GNG4: variants seen among roughly 807,000 people sequenced by gnomAD.
GNG4 encodes the protein guanine nucleotide-binding protein G(I)/G(S)/G(O) subunit gamma-4.
A neutral mutation model predicts 5.8 loss-of-function variants in GNG4; 4 were observed. That is an observed-to-expected ratio of 0.69 (90% CI 0.34 to 1.57). The LOEUF is 1.57. Ranked by LOEUF, GNG4 falls within the 40% of genes most tolerant of loss-of-function variation. The pLI is 0.06. For missense variants in GNG4, 96 were observed against 95.1 expected, an observed-to-expected ratio of 1.01 and a Z score of -0.04; for synonymous variants, 29 against 32.9, an observed-to-expected ratio of 0.88 and a Z score of 0.41.
intron 1 of GNG4, among the ~76,000 whole-genome samples, chr1:235,625,099 G>A (rs1688783023): frequency 6.6e-6 from 1 of 152,092 alleles, no homozygotes; most frequent in Non-Finnish European, 1.5e-5. Flanking sequence ...GGGCTCTGGG[G>A]CTCTGGGGGA....
chr1:235,647,080 A>G (rs1477951164), intron 1 of GNG4, among the ~76,000 whole-genome samples: 1 of 152,122 alleles, frequency 6.6e-6, no homozygotes, highest in African/African-American at 2.4e-5. Flanking sequence ...CTGACTTTCA[A>G]TTAAAATATC....
chr1:235,572,063 T>A (rs1358091261), intron 3 of GNG4, among the ~76,000 whole-genome samples: 2 of 152,152 alleles, frequency 1.3e-5, no homozygotes, highest in African/African-American at 4.8e-5. Context: ...TTCAAACTCC[T>A]GAGCTCAAGT....
chr1:235,587,269 AGTGTGTGTGAAGGTGTGGGTTGGG>A (rs1687788899), intron 2 of GNG4, among the ~76,000 whole-genome samples: 1 of 69,840 alleles, frequency 1.4e-5, no homozygotes, highest in African/African-American at 7.0e-5. Flanking sequence ...AGTGTATGTG[AGTGTGTGTGAAGGTGTGGGTTGGG>A]GTGTGTGTGA....
chr1:235,650,119 G>A (rs1657636498), upstream of GNG4: 1 of 148,926 alleles, frequency 6.7e-6, no homozygotes, highest in East Asian at 2.0e-4. Context: ...GCCCCAGCCC[G>A]GGCCCGCGCC....
chr1:235,552,059 A>G lies in GNG4; in HGVS notation c.*50T>C. On this transcript the variant is annotated 3_prime_UTR_variant, in exon 4 of 4. Coordinates refer to ENST00000391854, the MANE Select transcript of GNG4 (RefSeq NM_001098722.2). ...AAGGCTTAGAGCATGCATGGTCTCTACAGGGGACTTTGAAGGTCAGAAAAG... is the reference window on the plus strand; with the variant it reads ...AAGGCTTAGAGCATGCATGGTCTCTGCAGGGGACTTTGAAGGTCAGAAAAG... 6.3e-7 allele frequency: 1 copy of G among 1,584,250 alleles called. No individual in the cohort carries two copies. The highest frequency in any genetic ancestry group is 1.3e-5 in the African/African-American group (1 of 74,452).
intron 3 of GNG4, among the ~76,000 whole-genome samples, chr1:235,582,257 T>C (rs1386809914): frequency 6.6e-6 from 1 of 152,242 alleles, no homozygotes; most frequent in Admixed American, 6.5e-5. Flanking sequence ...CACACACCTG[T>C]CACCTCATGG....
intron 2 of GNG4, among the ~76,000 whole-genome samples, chr1:235,591,210 ACTGCTCCTG>A (rs1687953118): frequency 6.6e-6 from 1 of 152,296 alleles, no homozygotes; most frequent in African/African-American, 2.4e-5. Flanking sequence ...CTGCTCCGCC[ACTGCTCCTG>A]GCTCATTACC....
At chr1:235,560,350 C>T (rs1193366159) in intron 3 of GNG4, among the ~76,000 whole-genome samples, 1 of 152,176 alleles carries the variant, frequency 6.6e-6, no homozygotes, top group Non-Finnish European at 1.5e-5. Context: ...TGGGAATGGG[C>T]TCCTTATAAA....
At chr1:235,552,351 C>G in intron 3 of GNG4, 114 bp from the exon 4 acceptor site, 1 of 921,936 alleles carries the variant, frequency 1.1e-6, no homozygotes, top group Non-Finnish European at 1.7e-6. Flanking sequence ...GTATTGTGTG[C>G]ACGGCCTACA....
chr1:235,631,725 G>C (rs187533010), intron 1 of GNG4, among the ~76,000 whole-genome samples: 112 of 151,436 alleles, frequency 7.4e-4, no homozygotes, highest in African/African-American at 2.5e-3. Flanking sequence ...ATGCCACCAC[G>C]CCCAGCCAAT....
chr1:235,555,485 T>A (rs2102911032), intron 3 of GNG4, among the ~76,000 whole-genome samples: 1 of 152,164 alleles, frequency 6.6e-6, no homozygotes, highest in Non-Finnish European at 1.5e-5. Context: ...TACGTACGAC[T>A]CTAGCCTGGG....
At chr1:235,628,084 G>A (rs951249036) in intron 1 of GNG4, among the ~76,000 whole-genome samples, 2 of 152,192 alleles carry the variant, frequency 1.3e-5, no homozygotes, top group Non-Finnish European at 2.9e-5. Context: ...GGAGGCTGAG[G>A]CAGGAGAATG....
At chr1:235,553,538 G>C (rs1269952716) in intron 3 of GNG4, among the ~76,000 whole-genome samples, 1 of 152,056 alleles carries the variant, frequency 6.6e-6, no homozygotes, top group Non-Finnish European at 1.5e-5. Context: ...TTCCCTTCTG[G>C]GTTTTAAAAA....
At chr1:235,558,989 T>C (rs1572610597) in intron 3 of GNG4, among the ~76,000 whole-genome samples, 1 of 152,238 alleles carries the variant, frequency 6.6e-6, no homozygotes, top group Non-Finnish European at 1.5e-5. Context: ...CAAGCTTCAA[T>C]GATGGGAGAA....
At chr1:235,612,868 C>G (rs1004680584) in intron 1 of GNG4, among the ~76,000 whole-genome samples, 1 of 152,114 alleles carries the variant, frequency 6.6e-6, no homozygotes, top group African/African-American at 2.4e-5. Context: ...GTTCCCTGAG[C>G]TTAGAAATTC....
chr1:235,562,647 GAAAAAAAAAAAGA>G lies in GNG4; in HGVS notation c.100-10423_100-10411del, dbSNP rs1301440234. ...GCAACAGAGCAAGGCTCTGTCTCAA[GAAAAAAAAAAAGA>G]AAAAAAAAAAAAGAAAAAAAAAAAA... On this transcript the variant is annotated intron_variant, in intron 3 of 3. Transcript: ENST00000391854. Among the ~76,000 whole-genome samples, 110 of 21,708 alleles carry G rather than the reference GAAAAAAAAAAAGA, an allele frequency of 5.1e-3. 1 individual carries two copies. The highest frequency in any genetic ancestry group is 9.1e-3 in the Non-Finnish European group (85 of 9,334). 14.2% of individuals were successfully genotyped at this position (21,708 alleles called of 152,430 possible).
intron 1 of GNG4, among the ~76,000 whole-genome samples, chr1:235,608,203 TG>T (rs1688403496): frequency 6.6e-6 from 1 of 152,266 alleles, no homozygotes; most frequent in East Asian, 1.9e-4. Context: ...CCCAAAGTGC[TG>T]GGATTACAGG....
intron 1 of GNG4, among the ~76,000 whole-genome samples, chr1:235,617,924 A>G (rs1242547541): frequency 6.6e-6 from 1 of 151,414 alleles, no homozygotes; most frequent in African/African-American, 2.4e-5. Context: ...AAAAGAAAAG[A>G]CAAGACAAGA....
intron 3 of GNG4, among the ~76,000 whole-genome samples, chr1:235,580,050 G>T (rs1165196504): frequency 6.6e-6 from 1 of 152,116 alleles, no homozygotes; most frequent in Non-Finnish European, 1.5e-5. Flanking sequence ...ACAAAATGTG[G>T]TCTATCCATG....
Sources: gnomAD v4.1 joint callset for allele counts (sites outside exome capture counted in the v4.1 genomes callset) on GRCh38, gnomAD v4.1.1 for gene constraint, MANE v1.5 for transcripts, NCBI Gene and HGNC (gene_info 2026-07-23, HGNC 2026-07-21) for gene names.